The following FBXL7 variants were observed in gnomAD, a reference collection of about 807,000 sequenced individuals.
The protein encoded by FBXL7 is F-box and leucine rich repeat protein 7, also known as F-box/LRR-repeat protein 7.
A neutral mutation model predicts 38.3 loss-of-function variants in FBXL7; 12 were observed. The observed-to-expected ratio is 0.31, with a 90% CI of 0.20 to 0.51. FBXL7 has a LOEUF of 0.51. Ranked by LOEUF, FBXL7 falls within the 20% of genes least tolerant of loss-of-function variation. The pLI, the probability that FBXL7 is intolerant of heterozygous loss-of-function variation, is 0.98. For missense variants in FBXL7, 567 were observed against 676.4 expected, an observed-to-expected ratio of 0.84 and a Z score of 1.79; for synonymous variants, 297 against 300.9, an observed-to-expected ratio of 0.99 and a Z score of 0.13.
chr5:15,503,282 G>A lies in FBXL7; in HGVS notation c.37+2569G>A, dbSNP rs543561489. On this transcript the variant is annotated intron_variant, in intron 1 of 3. Coordinates refer to ENST00000504595, the MANE Select transcript of FBXL7 (RefSeq NM_012304.5). ...CTAAAAATACAAAAAGTATCCAGGC[G>A]TGGTGGCGCATGCCTGTAATCCTAC... Among the ~76,000 whole-genome samples the A allele has an allele frequency of 1.1e-4, 17 of 152,298 alleles. No homozygotes were observed. The East Asian group carries it at 1.5e-3, about 14-fold the overall frequency.
rs528162075 is a variant in FBXL7, at chr5:15,699,337, G to C, written c.127+83265G>C. Among the ~76,000 whole-genome samples, 68 of 152,276 alleles carry C rather than the reference G, an allele frequency of 4.5e-4. 1 individual carries two copies. Among genetic ancestry groups the C allele is most frequent in the Middle Eastern group, 6.8e-3 (2 of 294 alleles). ...AGGTCCCTCTGAGACTGTGGGTAGC[G>C]ACCTTCCCTGCCTCTTCCTAGCTTC... On this transcript the variant is annotated intron_variant, in intron 2 of 3. Coordinates refer to ENST00000504595, the MANE Select transcript of FBXL7 (RefSeq NM_012304.5).
At chr5:15,528,262 G>A (rs1021122310) in intron 1 of FBXL7, among the ~76,000 whole-genome samples, 3 of 152,120 alleles carry the variant, frequency 2.0e-5, no homozygotes, top group African/African-American at 7.2e-5. Context: ...GCTCATTTAC[G>A]TAGGATATAA....
In FBXL7 at chr5:15,928,750, A is replaced by G. The variant is rs1346457609; in HGVS notation, c.739+249A>G. Among the ~76,000 whole-genome samples the G allele has an allele frequency of 6.6e-6, 1 of 152,104 alleles. No individual in the cohort carries two copies. The highest frequency in any genetic ancestry group is 1.5e-5 in the Non-Finnish European group (1 of 68,022). On this transcript the variant is annotated intron_variant, in intron 3 of 3. Transcript: ENST00000504595. The surrounding 1 kb of genome is among the most constrained non-coding windows in gnomAD (Gnocchi z 4.0). ...TATTATACTTTAAGTTTTAGGGTAC[A>G]TGTGCACAACGTGCAGGTTAGTTAC... is the stretch of plus-strand genomic sequence containing the variant.
At chr5:15,701,210 T>C (rs2126632920) in intron 2 of FBXL7, among the ~76,000 whole-genome samples, 1 of 152,320 alleles carries the variant, frequency 6.6e-6, no homozygotes, top group East Asian at 1.9e-4. Context: ...CACGTAGCTC[T>C]TGAAAGACCG....
intron 1 of FBXL7, among the ~76,000 whole-genome samples, chr5:15,516,830 G>A (rs1394117238): frequency 1.3e-5 from 2 of 152,106 alleles, no homozygotes; most frequent in Non-Finnish European, 2.9e-5. Context: ...CTGCTGCCAT[G>A]TGAGGAAGGA....
At chr5:15,553,300 C>T (rs996692970) in intron 1 of FBXL7, among the ~76,000 whole-genome samples, 4 of 152,238 alleles carry the variant, frequency 2.6e-5, no homozygotes, top group South Asian at 4.2e-4. Flanking sequence ...TGCTCTTTGT[C>T]GAGAATGCTT....
At position 15,785,359 on chromosome 5, in the gene FBXL7, C is replaced by A. The variant is rs16867714; in HGVS notation, c.128-142531C>A. 6.4e-3 allele frequency among the ~76,000 whole-genome samples: 981 copies of A among 152,292 alleles called. 12 individuals are homozygous for A. Among genetic ancestry groups the A allele is most frequent in the African/African-American group, 0.022 (934 of 41,560 alleles). On this transcript the variant is annotated intron_variant, in intron 2 of 3. Transcript: ENST00000504595. ...ACCATGATACACATTCACGTGTGCA[C>A]ACCTACACACAGTCACACACACCCC...
At position 15,890,970 on chromosome 5, in the gene FBXL7, T is replaced by TTGAAAATC. The variant is rs1309632409; in HGVS notation, c.128-36918_128-36911dup. Among the ~76,000 whole-genome samples the TTGAAAATC allele has an allele frequency of 1.8e-4, 28 of 152,162 alleles. No homozygotes were observed. In the East Asian group the frequency reaches 4.8e-3, roughly 26 times the overall value. ...AATCTAGATAATTAGAAAAAAAAAC[T>TTGAAAATC]TGAAAATCTATTATCTGTTCAGAGA... On this transcript the variant is annotated intron_variant, in intron 2 of 3. Transcript: ENST00000504595.
At chr5:15,847,374 T>C (rs1405783621) in intron 2 of FBXL7, among the ~76,000 whole-genome samples, 1 of 152,060 alleles carries the variant, frequency 6.6e-6, no homozygotes, top group African/African-American at 2.4e-5. Context: ...TGAGAACTCA[T>C]CCACTATCAC....
intron 2 of FBXL7, among the ~76,000 whole-genome samples, chr5:15,777,625 AG>A (rs150206188): frequency 0.018 from 2,661 of 151,262 alleles, 77 homozygotes; most frequent in African/African-American, 0.062. Context: ...AAAATTTAAA[AG>A]CTCAGTGCAT....
intron 2 of FBXL7, among the ~76,000 whole-genome samples, chr5:15,813,210 A>C (rs924005940): frequency 6.6e-6 from 1 of 152,170 alleles, no homozygotes; most frequent in Admixed American, 6.6e-5. Context: ...CTTGCGTTGT[A>C]CTGGTACCAA....
chr5:15,702,046 T>G (rs1232923391), intron 2 of FBXL7, among the ~76,000 whole-genome samples: 7 of 152,226 alleles, frequency 4.6e-5, no homozygotes, highest in African/African-American at 1.7e-4. Flanking sequence ...CAGACCAGAC[T>G]GGCCAACATG....
chr5:15,731,831 G>A (rs1735592428), intron 2 of FBXL7, among the ~76,000 whole-genome samples: 1 of 152,130 alleles, frequency 6.6e-6, no homozygotes, highest in African/African-American at 2.4e-5. Context: ...TCGGGGCTCT[G>A]GATTCCCTCA....
At position 15,928,789 on chromosome 5, in the gene FBXL7, T is replaced by C. The variant is rs1245853452; in HGVS notation, c.739+288T>C. 6.6e-6 allele frequency among the ~76,000 whole-genome samples: 1 copy of C among 152,202 alleles called. No homozygotes were observed. The highest frequency in any genetic ancestry group is 1.5e-5 in the Non-Finnish European group (1 of 68,032). ...CAGGTTAGTTACATATGTATACATG[T>C]GCCATGTTGGTGTGCTGCACCCATT... On this transcript the variant is annotated intron_variant, in intron 3 of 3. Coordinates refer to ENST00000504595, the MANE Select transcript of FBXL7 (RefSeq NM_012304.5). This position sits in a 1 kb window ranked among gnomAD's most constrained non-coding sequence, Gnocchi z 4.0.
intron 2 of FBXL7, among the ~76,000 whole-genome samples, chr5:15,733,795 A>G (rs1421536837): frequency 6.6e-6 from 1 of 152,222 alleles, no homozygotes; most frequent in Non-Finnish European, 1.5e-5. Context: ...TTTTAACAAT[A>G]GTTTTATTTT....
intron 2 of FBXL7, among the ~76,000 whole-genome samples, chr5:15,618,102 G>C (rs1174882422): frequency 6.6e-6 from 1 of 152,046 alleles, no homozygotes; most frequent in Non-Finnish European, 1.5e-5. Context: ...TCTCTGTAGG[G>C]GCTTTAAATT....
intron 2 of FBXL7, among the ~76,000 whole-genome samples, chr5:15,650,239 AT>A (rs1255769232): frequency 6.6e-6 from 1 of 152,224 alleles, no homozygotes; most frequent in Non-Finnish European, 1.5e-5. Flanking sequence ...GCCACATGAA[AT>A]TTTTGGTTTC....
At chr5:15,882,951 T>C (rs1187475949) in intron 2 of FBXL7, among the ~76,000 whole-genome samples, 1 of 116,532 alleles carries the variant, frequency 8.6e-6, no homozygotes, top group Non-Finnish European at 1.7e-5. Flanking sequence ...TTCTGATATA[T>C]CACTTTAATC....
intron 2 of FBXL7, among the ~76,000 whole-genome samples, chr5:15,806,505 G>A (rs1737716498): frequency 6.6e-6 from 1 of 152,122 alleles, no homozygotes; most frequent in Admixed American, 6.5e-5. Context: ...GAAGTGTATG[G>A]GAAGGCATTT....
Sources: allele counts gnomAD v4.1 joint callset (sites outside exome capture counted in the v4.1 genomes callset), GRCh38; gene constraint gnomAD v4.1.1; non-coding constraint Gnocchi (gnomAD v3.1); transcripts MANE v1.5; gene names NCBI Gene and HGNC (gene_info 2026-07-23, HGNC 2026-07-21).